The following SPAG16 variants were observed in gnomAD, a reference collection of about 807,000 sequenced individuals.
The protein encoded by SPAG16 is sperm-associated antigen 16 protein.
SPAG16 carries 86 observed loss-of-function variants against 80.4 expected under a neutral mutation model. That is an observed-to-expected ratio of 1.07 (90% confidence interval 0.90 to 1.28). The LOEUF (loss-of-function observed/expected upper bound fraction) is 1.28. SPAG16 is among the 50% of genes most tolerant of loss of function. SPAG16 has a pLI of 0.00. For synonymous variants in SPAG16, 294 were observed against 265.9 expected (o/e 1.11, Z -1.03); for missense variants, 870 against 765.3 (o/e 1.14, Z -1.61).
intron 10 of SPAG16, among the ~76,000 whole-genome samples, chr2:213,798,664 C>G (rs1244421417): frequency 6.6e-6 from 1 of 152,116 alleles, no homozygotes; most frequent in Non-Finnish European, 1.5e-5. Flanking sequence ...GGGAGTGACC[C>G]AAGATTATGA....
At chr2:213,560,097 A>T (rs1406675948) in intron 10 of SPAG16, among the ~76,000 whole-genome samples, 1 of 152,018 alleles carries the variant, frequency 6.6e-6, no homozygotes, top group Non-Finnish European at 1.5e-5. Flanking sequence ...AGGAAATGCA[A>T]ATGTTTAAAA....
At chr2:213,881,853 C>T (rs960689375) in intron 11 of SPAG16, among the ~76,000 whole-genome samples, 1 of 152,108 alleles carries the variant, frequency 6.6e-6, no homozygotes, top group Admixed American at 6.5e-5. Context: ...TTTCTCTTGC[C>T]TGTTTTCAGT....
intron 10 of SPAG16, among the ~76,000 whole-genome samples, chr2:213,670,779 T>A (rs1206237480): frequency 6.6e-6 from 1 of 152,214 alleles, no homozygotes. Context: ...TTAAATGTGT[T>A]TACAATATTT....
Position 213,930,098 on chromosome 2 carries a change from G to T in SPAG16, c.1353G>T (p.Val451=), listed in dbSNP as rs1182040868. 4.3e-6 allele frequency: 7 copies of T among 1,613,760 alleles called. No homozygotes were observed. Among genetic ancestry groups the T allele is most frequent in the Non-Finnish European group, 5.9e-6 (7 of 1,179,882 alleles). Residue 451 remains valine, a synonymous_variant, in exon 12 of 16, where the codon GTG becomes GTT. Transcript: ENST00000331683. ...SCTWHSCGNF[V]ASSSLDKTSK... is the part of the protein sequence containing the mutation. ...CATGGCACTCCTGCGGCAATTTTGT[G>T]GCTTCCTCCTCACTGGATAAAACTA...
chr2:214,202,017 T>G (rs904599011), intron 15 of SPAG16, among the ~76,000 whole-genome samples: 8 of 152,026 alleles, frequency 5.3e-5, no homozygotes, highest in Admixed American at 4.6e-4. Flanking sequence ...GGCTAATATT[T>G]GTAATTTTGT....
In SPAG16 at chr2:214,110,977, AT is replaced by A. The variant is rs541840064; in HGVS notation, c.1593+2726del. 1.8e-3 allele frequency among the ~76,000 whole-genome samples: 258 copies of A among 147,270 alleles called. 1 individual carries two copies. The East Asian group carries it at 0.025, about 14-fold the overall frequency. The stretch of plus-strand genomic sequence containing the variant: ...TGTCCTTTGCCCACTTTTTGATGGG[AT>A]TTTTTTTTTCCTAGTAAATTTGTTT... On this transcript the variant is annotated intron_variant, in intron 14 of 15. Transcript: ENST00000331683.
At chr2:213,951,536 G>C (rs1407476919) in intron 12 of SPAG16, among the ~76,000 whole-genome samples, 1 of 152,036 alleles carries the variant, frequency 6.6e-6, no homozygotes, top group East Asian at 1.9e-4. Flanking sequence ...ACATAAAAGA[G>C]AAAATATGAA....
At chr2:214,380,873 G>A (rs184110174) in intron 15 of SPAG16, among the ~76,000 whole-genome samples, 1 of 152,284 alleles carries the variant, frequency 6.6e-6, no homozygotes, top group East Asian at 1.9e-4. Context: ...TAGTGTAATT[G>A]GTTTTTGCTC....
chr2:214,370,780 G>A (rs1187737941), intron 15 of SPAG16, among the ~76,000 whole-genome samples: 1 of 152,156 alleles, frequency 6.6e-6, no homozygotes, highest in East Asian at 1.9e-4. Flanking sequence ...TCAATTTTAA[G>A]ACATATTTCT....
intron 14 of SPAG16, among the ~76,000 whole-genome samples, chr2:214,108,479 A>ACACACCCCCC (rs71409874): frequency 1.9e-5 from 1 of 52,374 alleles, no homozygotes; most frequent in East Asian, 3.5e-4. Flanking sequence ...ACACACACAC[A>ACACACCCCCC]CCCCCACACA....
intron 10 of SPAG16, among the ~76,000 whole-genome samples, chr2:213,790,817 T>A (rs1191586184): frequency 1.3e-5 from 2 of 152,110 alleles, no homozygotes; most frequent in African/African-American, 4.8e-5. Context: ...ATTCTGATTA[T>A]GTCACATCAG....
chr2:214,348,574 A>T (rs940318476), intron 15 of SPAG16, among the ~76,000 whole-genome samples: 1 of 152,156 alleles, frequency 6.6e-6, no homozygotes, highest in African/African-American at 2.4e-5. Flanking sequence ...GAGCTGCCAC[A>T]TAAGAAGCCC....
At chr2:214,323,237 T>A (rs1696228567) in intron 15 of SPAG16, among the ~76,000 whole-genome samples, 1 of 152,150 alleles carries the variant, frequency 6.6e-6, no homozygotes, top group Non-Finnish European at 1.5e-5. Context: ...GAGCTTCAGA[T>A]TGCTTTTAAA....
intron 12 of SPAG16, among the ~76,000 whole-genome samples, chr2:213,949,923 T>A (rs2106319426): frequency 6.6e-6 from 1 of 152,312 alleles, no homozygotes; most frequent in East Asian, 1.9e-4. Context: ...CTTCAGTGAG[T>A]ACAATTCTTA....
intron 10 of SPAG16, among the ~76,000 whole-genome samples, chr2:213,518,066 G>T (rs1003431798): frequency 2.0e-5 from 3 of 152,110 alleles, no homozygotes; most frequent in African/African-American, 7.2e-5. Context: ...TCTGGCAAAG[G>T]CCTAGTATCT....
intron 15 of SPAG16, among the ~76,000 whole-genome samples, chr2:214,258,018 T>C (rs566173033): frequency 2.6e-5 from 4 of 152,164 alleles, no homozygotes; most frequent in Non-Finnish European, 5.9e-5. Context: ...ATTCATTTCA[T>C]GTTTTTATAA....
At position 214,297,273 on chromosome 2, in the gene SPAG16, CTG is replaced by C. The variant is rs534827980; in HGVS notation, c.1721-112865_1721-112864del. On this transcript the variant is annotated intron_variant, in intron 15 of 15. Transcript: ENST00000331683. ...CAATTCTGTAGGTTGTCAGTTTACTCTGTTAATTTTTTGTTGTTATGCAGAAG... is the reference window on the plus strand; with the variant it reads ...CAATTCTGTAGGTTGTCAGTTTACTCTTAATTTTTTGTTGTTATGCAGAAG... Among the ~76,000 whole-genome samples, 341 of 152,174 alleles carry C rather than the reference CTG, an allele frequency of 2.2e-3. 1 individual carries two copies. Among genetic ancestry groups the C allele is most frequent in the African/African-American group, 7.9e-3 (326 of 41,524 alleles).
chr2:213,695,176 C>T (rs1035121828), intron 10 of SPAG16, among the ~76,000 whole-genome samples: 1 of 152,104 alleles, frequency 6.6e-6, no homozygotes, highest in African/African-American at 2.4e-5. Flanking sequence ...CTTTTTCTTA[C>T]TCTTCACAGT....
At chr2:213,780,145 C>G (rs2069852339) in intron 10 of SPAG16, among the ~76,000 whole-genome samples, 1 of 152,216 alleles carries the variant, frequency 6.6e-6, no homozygotes. Context: ...GCTTTGGCTG[C>G]TCTTCAGCCA....
Sources: allele counts gnomAD v4.1 joint callset (sites outside exome capture counted in the v4.1 genomes callset), GRCh38; gene constraint gnomAD v4.1.1; transcripts MANE v1.5; gene names NCBI Gene and HGNC (gene_info 2026-07-23, HGNC 2026-07-21).